NARS2: variants seen among roughly 807,000 people sequenced by gnomAD.
NARS2 encodes the protein asparaginyl-tRNA synthetase.
NARS2 carries 60 observed loss-of-function variants against 62.9 expected under a neutral mutation model. That is an observed-to-expected ratio of 0.95 (90% CI 0.77 to 1.18). The LOEUF is 1.18. Ranked by LOEUF, NARS2 falls within the 50% of genes most tolerant of loss-of-function variation. NARS2 has a pLI of 0.00. For synonymous variants in NARS2, 196 were observed against 200.0 expected (o/e 0.98, Z 0.17); for missense variants, 619 against 576.4 (o/e 1.07, Z -0.76).
chr11:78,560,553 T>C (rs997816334), intron 4 of NARS2, among the ~76,000 whole-genome samples: 1 of 152,224 alleles, frequency 6.6e-6, no homozygotes, highest in Non-Finnish European at 1.5e-5. Flanking sequence ...TTGGAATCAA[T>C]ACAATAAATT....
At position 78,448,564 on chromosome 11, in the gene NARS2, T is replaced by C. The variant is rs541031009; in HGVS notation, c.1165-4806A>G. ...TTGACCTCGTGATCCACCCGCCTCA[T>C]CCTCCCAAAGTGCTGGGATTACAGA... is the stretch of plus-strand genomic sequence containing the variant. On this transcript the variant is annotated intron_variant, in intron 11 of 13. Transcript: ENST00000281038. 1.4e-4 allele frequency among the ~76,000 whole-genome samples: 22 copies of C among 152,192 alleles called. No individual in the cohort carries two copies. The East Asian group carries it at 3.9e-3, about 27-fold the overall frequency.
chr11:78,556,631 T>C (rs1231811227), intron 5 of NARS2, among the ~76,000 whole-genome samples: 1 of 152,252 alleles, frequency 6.6e-6, no homozygotes, highest in Non-Finnish European at 1.5e-5. Flanking sequence ...AACTAGCCTC[T>C]TCTATTTTAT....
chr11:78,468,954 ATCTT>A (rs1474706308), intron 10 of NARS2, among the ~76,000 whole-genome samples: 1 of 152,104 alleles, frequency 6.6e-6, no homozygotes, highest in Non-Finnish European at 1.5e-5. Flanking sequence ...GTCTATGATT[ATCTT>A]TCTTTTTTAG....
Position 78,436,582 on chromosome 11 carries a change from C to T in NARS2, c.*88G>A. The T allele has an allele frequency of 7.3e-7, 1 of 1,374,240 alleles. No homozygotes were observed. The highest frequency in any genetic ancestry group is 1.5e-5 in the African/African-American group (1 of 68,846). The allele number at this position is 1,374,240 out of a possible 1,614,324, so 85.1% of individuals were successfully genotyped here. A position where few individuals can be genotyped will look rare whatever the true frequency, so the allele number is the denominator to read the frequency against. On this transcript the variant is annotated 3_prime_UTR_variant, in exon 14 of 14. Coordinates refer to ENST00000281038, the MANE Select transcript of NARS2 (RefSeq NM_024678.6). ...CAATTACATATTGAAATCTGCATTTCTAAAATCCAAACATGCATTCTGCTG... is the reference window on the plus strand; with the variant it reads ...CAATTACATATTGAAATCTGCATTTTTAAAATCCAAACATGCATTCTGCTG...
intron 11 of NARS2, among the ~76,000 whole-genome samples, chr11:78,448,147 T>C (rs569500560): frequency 2.0e-5 from 3 of 152,258 alleles, no homozygotes; most frequent in East Asian, 1.9e-4. Context: ...AAACAGTACA[T>C]TATACCCCAT....
chr11:78,437,993 GA>G (rs10718645), intron 13 of NARS2, among the ~76,000 whole-genome samples: 29,685 of 116,386 alleles, frequency 0.26, 3,434 homozygotes, highest in East Asian at 0.45. Flanking sequence ...AAAAAAGAAA[GA>G]AAAAAAAAAA....
chr11:78,462,573 A>G (rs925586273), intron 11 of NARS2, among the ~76,000 whole-genome samples: 2 of 152,230 alleles, frequency 1.3e-5, no homozygotes, highest in Non-Finnish European at 2.9e-5. Context: ...ATATTTTAAA[A>G]ATACACTTTA....
At chr11:78,558,432 G>A (rs1856442031) in intron 5 of NARS2, 1 of 152,174 alleles carries the variant, frequency 6.6e-6, no homozygotes, top group African/African-American at 2.4e-5. Flanking sequence ...CTGAACCGGA[G>A]AAAGCAGTTA....
chr11:78,558,384 T>C (rs554228606), intron 5 of NARS2: 1 of 152,310 alleles, frequency 6.6e-6, no homozygotes, highest in East Asian at 1.9e-4. Flanking sequence ...TGTTCAATAA[T>C]ATAAAGCACC....
chr11:78,464,076 T>TGTTTGGA (rs1158818488), intron 11 of NARS2, among the ~76,000 whole-genome samples: 1 of 152,114 alleles, frequency 6.6e-6, no homozygotes, highest in African/African-American at 2.4e-5. Flanking sequence ...TGTTCGGATG[T>TGTTTGGA]GTTTGGAGTT....
intron 9 of NARS2, among the ~76,000 whole-genome samples, chr11:78,470,948 T>G (rs1390020763): frequency 7.1e-6 from 1 of 141,640 alleles, no homozygotes; most frequent in Non-Finnish European, 1.5e-5. Flanking sequence ...GCTCAAAAAA[T>G]AATTTATCCA....
chr11:78,530,770 G>C (rs1221446708), intron 5 of NARS2, among the ~76,000 whole-genome samples: 1 of 152,100 alleles, frequency 6.6e-6, no homozygotes, highest in East Asian at 1.9e-4. Flanking sequence ...CCCGGCCTAT[G>C]ACTAGATTTT....
At chr11:78,543,424 T>C (rs969835524) in intron 5 of NARS2, among the ~76,000 whole-genome samples, 2 of 152,200 alleles carry the variant, frequency 1.3e-5, no homozygotes, top group Admixed American at 1.3e-4. Flanking sequence ...CTCAAAAAAC[T>C]TTCCAGTGTT....
At chr11:78,514,107 C>T (rs995054874) in intron 6 of NARS2, among the ~76,000 whole-genome samples, 1 of 152,068 alleles carries the variant, frequency 6.6e-6, no homozygotes, top group Non-Finnish European at 1.5e-5. Context: ...ATTTTCCTAC[C>T]AATTACCCAG....
Position 78,493,357 on chromosome 11 carries a change from T to C in NARS2, c.690-162A>G, listed in dbSNP as rs1354286753. 2.0e-5 allele frequency among the ~76,000 whole-genome samples: 3 copies of C among 152,224 alleles called. No homozygotes were observed. The East Asian group carries it at 5.8e-4, about 29-fold the overall frequency. ...TACATATTTCTCTAATAGGTGATAA[T>C]AACAGTTTCATTAAAAATGTTACAT... On this transcript the variant is annotated intron_variant, in intron 6 of 13. Coordinates refer to ENST00000281038, the MANE Select transcript of NARS2 (RefSeq NM_024678.6).
In NARS2 at chr11:78,478,060, G is replaced by C. The variant is rs138868671; in HGVS notation, c.959+378C>G. ...CTTAGTTTTCTGTTCCTGAATTCTT[G>C]TCTTGTTGTAACCTACACTGAGCAT... On this transcript the variant is annotated intron_variant, in intron 9 of 13. Transcript: ENST00000281038. Among the ~76,000 whole-genome samples, 208 of 152,180 alleles carry C rather than the reference G, an allele frequency of 1.4e-3. 1 individual carries two copies. Among genetic ancestry groups the C allele is most frequent in the African/African-American group, 4.9e-3 (204 of 41,536 alleles).
intron 2 of NARS2, among the ~76,000 whole-genome samples, chr11:78,570,514 A>G (rs966571129): frequency 2.6e-5 from 4 of 152,174 alleles, no homozygotes; most frequent in Non-Finnish European, 5.9e-5. Flanking sequence ...CAACCGCCCG[A>G]GTAGTGGAGA....
Position 78,436,793 on chromosome 11 carries a change from A to G in NARS2, c.1311T>C (p.Phe437=), listed in dbSNP as rs763167916. ...VYQWYLDLRR[F]GSVPHGGFGM... ...CAAAACCTCCATGTGGCACAGATCC[A>G]AATCGACGAAGGTCCAGATACCTGT... The change falls in exon 14 of 14, where the codon TTT becomes TTC. Residue 437 remains phenylalanine (F), a synonymous_variant. Transcript: ENST00000281038. 1.9e-6 allele frequency: 3 copies of G among 1,614,222 alleles called. No homozygotes were observed. Among genetic ancestry groups the G allele is most frequent in the Non-Finnish European group, 2.5e-6 (3 of 1,180,024 alleles).
chr11:78,502,530 C>A (rs1270927808), intron 6 of NARS2, among the ~76,000 whole-genome samples: 1 of 152,092 alleles, frequency 6.6e-6, no homozygotes, highest in African/African-American at 2.4e-5. Context: ...CATATGAATC[C>A]TAGGGGAGAG....
Sources: allele counts gnomAD v4.1 joint callset (sites outside exome capture counted in the v4.1 genomes callset), GRCh38; gene constraint gnomAD v4.1.1; transcripts MANE v1.5; gene names NCBI Gene and HGNC (gene_info 2026-07-23, HGNC 2026-07-21).